PRMT9: variants seen among roughly 807,000 people sequenced by gnomAD.
PRMT9 encodes protein arginine N-methyltransferase 9.
PRMT9 carries 59 observed loss-of-function variants against 83.2 expected under a neutral mutation model. That is an observed-to-expected ratio of 0.71 (90% CI 0.57 to 0.88). The LOEUF is 0.88. Among genes scored for constraint, PRMT9 ranks in the 40% least tolerant of loss-of-function variants. The pLI, the probability that PRMT9 is intolerant of heterozygous loss-of-function variation, is 0.00. For synonymous variants in PRMT9, 333 were observed against 353.2 expected, an observed-to-expected ratio of 0.94 and a Z score of 0.64; for missense variants, 947 against 1,021.9, an observed-to-expected ratio of 0.93 and a Z score of 1.00.
intron 9 of PRMT9, among the ~76,000 whole-genome samples, chr4:147,648,650 G>A (rs1451550903): frequency 2.0e-5 from 3 of 152,222 alleles, no homozygotes; most frequent in Non-Finnish European, 4.4e-5. Flanking sequence ...AAGTACAAGT[G>A]ACATACTTGT....
chr4:147,651,296 G>T (rs1578888639), intron 9 of PRMT9, among the ~76,000 whole-genome samples: 3 of 152,052 alleles, frequency 2.0e-5, no homozygotes, highest in East Asian at 3.9e-4. Context: ...GACAATACAG[G>T]AGAAAAGCTT....
rs748127912 is a variant in PRMT9, at chr4:147,673,721, TG to T, written c.491del (p.Thr164LysfsTer28). On this transcript the variant is annotated frameshift_variant, in exon 3 of 12. Transcript: ENST00000322396. LOFTEE classifies it high-confidence loss of function. ...FIMLNDTKRN[T>X]IYNAAIQKAV... ...CCTTTTGGATTGCTGCATTATAAAT[TG>T]TATTCCTCTTGGTGTCATTAAGCAT... 20 of 1,614,022 alleles carry T rather than the reference TG, an allele frequency of 1.2e-5. No individual in the cohort carries two copies. The highest frequency in any genetic ancestry group is 1.5e-5 in the Non-Finnish European group (18 of 1,179,998).
intron 5 of PRMT9, among the ~76,000 whole-genome samples, chr4:147,669,075 G>A (rs1353163076): frequency 1.3e-5 from 2 of 151,692 alleles, no homozygotes; most frequent in Non-Finnish European, 2.9e-5. Context: ...TACAGAGCAA[G>A]ACTCCATCTT....
intron 1 of PRMT9, among the ~76,000 whole-genome samples, chr4:147,681,611 AC>A (rs1462360505): frequency 6.6e-6 from 1 of 151,994 alleles, no homozygotes; most frequent in Non-Finnish European, 1.5e-5. Context: ...ACACGGTGAA[AC>A]CCCATCTCTA....
chr4:147,684,150 C>CT lies in PRMT9; in HGVS notation c.-164dup. ...TCGCCAACCCCAGCCCAGGCGGAAG[C>CT]TCCGCCCCGTCCTGGCCCCGCGGGC... is the stretch of plus-strand genomic sequence containing the variant. On this transcript the variant is annotated 5_prime_UTR_variant, in exon 1 of 12. Coordinates refer to ENST00000322396, the MANE Select transcript of PRMT9 (RefSeq NM_138364.4). The CT allele has an allele frequency of 2.4e-6, 2 of 832,962 alleles. No individual in the cohort carries two copies. The highest frequency in any genetic ancestry group is 3.8e-6 in the Non-Finnish European group (2 of 519,886). 51.6% of individuals were successfully genotyped at this position (832,962 alleles called of 1,614,324 possible). A position where few individuals can be genotyped will look rare whatever the true frequency, so the allele number is the denominator to read the frequency against.
chr4:147,679,218 G>C (rs1303425006), intron 2 of PRMT9, among the ~76,000 whole-genome samples: 2 of 152,190 alleles, frequency 1.3e-5, no homozygotes, highest in African/African-American at 4.8e-5. Flanking sequence ...GATCGCTTGA[G>C]CCCAGGAGTT....
chr4:147,656,710 T>G (rs1734512691), intron 8 of PRMT9, among the ~76,000 whole-genome samples: 1 of 134,426 alleles, frequency 7.4e-6, no homozygotes, highest in African/African-American at 2.7e-5. Context: ...AGGCGGAGGT[T>G]GCAGTGAGCT....
At chr4:147,639,125 T>A (rs765305520) in intron 10 of PRMT9, 43 bp from the exon 11 acceptor site, 7 of 1,607,186 alleles carry the variant, frequency 4.4e-6, no homozygotes, top group African/African-American at 1.3e-5. Flanking sequence ...TTTCTTTTTG[T>A]GGTCAGGGCT....
intron 8 of PRMT9, 34 bp downstream of exon 8, chr4:147,657,754 AAAGC>A: frequency 6.6e-7 from 1 of 1,522,664 alleles, no homozygotes; most frequent in Admixed American, 1.7e-5. Context: ...TTAGAAGATT[AAAGC>A]AAGAGGTTAA....
At chr4:147,667,709 C>T (rs554406034) in intron 6 of PRMT9, among the ~76,000 whole-genome samples, 1 of 151,238 alleles carries the variant, frequency 6.6e-6, no homozygotes, top group East Asian at 2.0e-4. Context: ...GCTACATTTA[C>T]GATTAAGTTA....
chr4:147,653,054 A>G (rs1323221116), intron 9 of PRMT9, among the ~76,000 whole-genome samples: 4 of 152,214 alleles, frequency 2.6e-5, no homozygotes, highest in African/African-American at 9.6e-5. Flanking sequence ...ATGCGTGTGT[A>G]CATGCACACA....
intron 10 of PRMT9, among the ~76,000 whole-genome samples, chr4:147,640,203 G>C (rs1733304672): frequency 6.7e-6 from 1 of 150,306 alleles, no homozygotes; most frequent in Admixed American, 6.7e-5. Flanking sequence ...CTCCCAAGTA[G>C]CTAGGACTAC....
chr4:147,679,348 C>A (rs1235265580), intron 2 of PRMT9, among the ~76,000 whole-genome samples: 1 of 151,988 alleles, frequency 6.6e-6, no homozygotes, highest in African/African-American at 2.4e-5. Flanking sequence ...GGGGGCGCTG[C>A]TGAGGTGAGA....
At chr4:147,648,041 A>C (rs1435212508) in intron 9 of PRMT9, among the ~76,000 whole-genome samples, 1 of 152,326 alleles carries the variant, frequency 6.6e-6, no homozygotes, top group East Asian at 1.9e-4. Context: ...AAGTATACAT[A>C]GGGCAAATAT....
intron 8 of PRMT9, among the ~76,000 whole-genome samples, chr4:147,656,771 CAAAAAAAA>C (rs1023416920): frequency 2.1e-5 from 1 of 47,956 alleles, no homozygotes; most frequent in Non-Finnish European, 3.3e-5. Flanking sequence ...GACTCTGTCT[CAAAAAAAA>C]AAAAAAAAAA....
At chr4:147,650,982 G>A (rs1004220436) in intron 9 of PRMT9, among the ~76,000 whole-genome samples, 1 of 152,032 alleles carries the variant, frequency 6.6e-6, no homozygotes, top group African/African-American at 2.4e-5. Context: ...TGCGCCTGTA[G>A]TCCCAGCTAC....
chr4:147,655,328 AT>A (rs564636025), intron 8 of PRMT9, among the ~76,000 whole-genome samples: 220 of 140,900 alleles, frequency 1.6e-3, no homozygotes, highest in Non-Finnish European at 1.3e-3. Flanking sequence ...AGGCCCAGCT[AT>A]TTTTTTTTTT....
chr4:147,642,356 A>G (rs1378206877), intron 10 of PRMT9, among the ~76,000 whole-genome samples: 1 of 151,772 alleles, frequency 6.6e-6, no homozygotes, highest in Non-Finnish European at 1.5e-5. Context: ...CTCCCACCTC[A>G]GTTTCCAGAG....
At chr4:147,667,977 T>C (rs1401479737) in intron 6 of PRMT9, among the ~76,000 whole-genome samples, 1 of 125,832 alleles carries the variant, frequency 7.9e-6, no homozygotes. Context: ...ACCATGAAGT[T>C]TCATTTAAAA....
Sources: gnomAD v4.1 joint callset for allele counts (sites outside exome capture counted in the v4.1 genomes callset) on GRCh38, gnomAD v4.1.1 for gene constraint, MANE v1.5 for transcripts, NCBI Gene and HGNC (gene_info 2026-07-23, HGNC 2026-07-21) for gene names.